PPP2R3B: variants seen among roughly 807,000 people sequenced by gnomAD.
PPP2R3B encodes the protein serine/threonine-protein phosphatase 2A regulatory subunit B'' subunit beta.
A neutral mutation model predicts 72.9 loss-of-function variants in PPP2R3B; 68 were observed. That is an observed-to-expected ratio of 0.93 (90% CI 0.77 to 1.14). The LOEUF (loss-of-function observed/expected upper bound fraction) is 1.14, where lower values mean the gene tolerates loss of function less well. Among genes scored for constraint, PPP2R3B ranks in the 50% most tolerant of loss-of-function variants. The pLI, the probability that PPP2R3B is intolerant of heterozygous loss-of-function variation, is 0.00. For synonymous variants in PPP2R3B, 466 were observed against 375.8 expected (o/e 1.24, Z -2.78); for missense variants, 1,018 against 842.0 (o/e 1.21, Z -2.59).
intron 1 of PPP2R3B, among the ~76,000 whole-genome samples, chrX:378,820 C>T (rs1365065666): frequency 2.0e-5 from 3 of 152,108 alleles, no homozygotes; most frequent in South Asian, 4.1e-4. Flanking sequence ...GTGAATAGGT[C>T]GTTGTTACGA....
chrX:371,673 A>C (rs1442019099), intron 1 of PPP2R3B, among the ~76,000 whole-genome samples: 1 of 151,980 alleles, frequency 6.6e-6, no homozygotes, highest in African/African-American at 2.4e-5. Context: ...GAGGTGCGGC[A>C]CCCCAACACG....
intron 2 of PPP2R3B, among the ~76,000 whole-genome samples, chrX:354,735 C>A (rs760370543): frequency 2.6e-5 from 4 of 152,110 alleles, no homozygotes; most frequent in Admixed American, 2.6e-4. Flanking sequence ...CCAGTAGTCA[C>A]GGCTACTCGG....
At chrX:346,356 T>C in intron 5 of PPP2R3B, 96 bp from the exon 6 acceptor site, 1 of 1,268,314 alleles carries the variant, frequency 7.9e-7, no homozygotes. Context: ...GCGCCCTTGG[T>C]CTCAGCCGCA....
At chrX:346,405 C>T in intron 5 of PPP2R3B, 145 bp from the exon 6 acceptor site, 1 of 799,046 alleles carries the variant, frequency 1.3e-6, no homozygotes, top group East Asian at 2.8e-5. Context: ...GAGGGAAGGG[C>T]CCTGCGGGAG....
At chrX:376,348 C>A (rs1405987807) in intron 1 of PPP2R3B, among the ~76,000 whole-genome samples, 1 of 152,194 alleles carries the variant, frequency 6.6e-6, no homozygotes, top group Non-Finnish European at 1.5e-5. Flanking sequence ...TGTCCCGATG[C>A]AGAACCCGCA....
At chrX:372,778 T>C (rs1345649037) in intron 1 of PPP2R3B, among the ~76,000 whole-genome samples, 1 of 152,058 alleles carries the variant, frequency 6.6e-6, no homozygotes, top group Non-Finnish European at 1.5e-5. Context: ...GCCAACATGG[T>C]GAAACCCCGT....
At chrX:373,404 C>T (rs2071910233) in intron 1 of PPP2R3B, 1 of 152,154 alleles carries the variant, frequency 6.6e-6, no homozygotes. Context: ...GTTTGGGCCC[C>T]GCCACGCAAC....
intron 1 of PPP2R3B, among the ~76,000 whole-genome samples, chrX:363,866 C>T (rs1377709191): frequency 1.3e-5 from 2 of 152,256 alleles, no homozygotes; most frequent in Non-Finnish European, 2.9e-5. Flanking sequence ...CTGCAGTGAG[C>T]TCTCGGGCTC....
intron 6 of PPP2R3B, among the ~76,000 whole-genome samples, chrX:345,947 C>T (rs1289786218): frequency 6.8e-6 from 1 of 146,786 alleles, no homozygotes; most frequent in Non-Finnish European, 1.5e-5. Flanking sequence ...CCCAGTACGG[C>T]CCCACCCGCC....
rs181372501 is a variant in PPP2R3B, at chrX:342,112, C to T, written c.1037-181G>A. The T allele has an allele frequency of 1.9e-5, 13 of 691,116 alleles. No individual in the cohort carries two copies. The Admixed American group carries it at 2.4e-4, about 13-fold the overall frequency. 42.8% of individuals were successfully genotyped at this position (691,116 alleles called of 1,614,324 possible). On this transcript the variant is annotated intron_variant, in intron 7 of 12. Transcript: ENST00000390665. ...ATCCTAGGGGCCCACCACGCTTTCC[C>T]GTCGAGCAGAGCCAAGTCCAGCATG... is the stretch of plus-strand genomic sequence containing the variant.
intron 1 of PPP2R3B, among the ~76,000 whole-genome samples, chrX:363,321 A>C: frequency 6.9e-6 from 1 of 145,144 alleles, no homozygotes; most frequent in East Asian, 2.3e-4. Context: ...CCACCATCCC[A>C]CAGTGCATCT....
intron 8 of PPP2R3B, 73 bp downstream of exon 8, chrX:341,810 G>A (rs2071084611): frequency 1.3e-6 from 2 of 1,531,074 alleles, no homozygotes; most frequent in Non-Finnish European, 1.8e-6. Flanking sequence ...GCTCACGTCA[G>A]GCAACGATGA....
chrX:346,654 A>C, intron 5 of PPP2R3B, 47 bp downstream of exon 5: 4 of 1,550,260 alleles, frequency 2.6e-6, no homozygotes, highest in Non-Finnish European at 3.5e-6. Context: ...CTGCAGAAAC[A>C]CCCGCGCCCC....
In PPP2R3B at chrX:386,410, C is replaced by A; in HGVS notation, c.282G>T (p.Ala94=). The change falls in exon 1 of 13, where the codon GCG becomes GCT. Residue 94 remains alanine (A), a synonymous_variant. Coordinates refer to ENST00000390665, the MANE Select transcript of PPP2R3B (RefSeq NM_013239.5). ...PLGAASSPRN[A]PHVRGTRRSA... ...ATCTACGGGTGCCTCGAACGTGGGGCGCGTTCCTGGGGCTGGAGGCGGCGC... is the reference window on the plus strand; with the variant it reads ...ATCTACGGGTGCCTCGAACGTGGGGAGCGTTCCTGGGGCTGGAGGCGGCGC... The A allele has an allele frequency of 1.5e-6, 2 of 1,319,888 alleles. No homozygotes were observed. The highest frequency in any genetic ancestry group is 2.3e-4 in the Middle Eastern group (1 of 4,294). 81.8% of individuals were successfully genotyped at this position (1,319,888 alleles called of 1,614,324 possible).
At chrX:339,212 G>A (rs1023815570) in intron 10 of PPP2R3B, among the ~76,000 whole-genome samples, 10 of 149,640 alleles carry the variant, frequency 6.7e-5, no homozygotes, top group South Asian at 4.3e-4. Context: ...GGAGCTCCCC[G>A]TGCAGGCAGA....
chrX:342,082 G>C (rs776129741), intron 7 of PPP2R3B, 151 bp from the exon 8 acceptor site: 2 of 847,088 alleles, frequency 2.4e-6, no homozygotes, highest in Non-Finnish European at 4.0e-6. Context: ...GCCCCTGCAC[G>C]GCCCATCCTA....
At chrX:334,564 C>T (rs1248164200) in intron 12 of PPP2R3B, 47 bp from the exon 13 acceptor site, 13 of 1,419,030 alleles carry the variant, frequency 9.2e-6, no homozygotes, top group African/African-American at 1.5e-5. Context: ...GCGGAGCAGG[C>T]CCTGGGCCGT....
intron 1 of PPP2R3B, among the ~76,000 whole-genome samples, chrX:363,488 G>GCATCTCCCCAAGCCCAC (rs2071597233): frequency 3.1e-4 from 3 of 9,722 alleles, no homozygotes; most frequent in Admixed American, 1.1e-3. Context: ...CCCGAGCCCA[G>GCATCTCCCCAAGCCCAC]CATCCCACAA....
intron 1 of PPP2R3B, among the ~76,000 whole-genome samples, chrX:382,054 CT>C (rs886711398): frequency 6.6e-6 from 1 of 152,158 alleles, no homozygotes; most frequent in African/African-American, 2.4e-5. Context: ...TTTGAAAATT[CT>C]TGCCATCTCC....
Sources: gnomAD v4.1 joint callset for allele counts (sites outside exome capture counted in the v4.1 genomes callset) on GRCh38, gnomAD v4.1.1 for gene constraint, MANE v1.5 for transcripts, NCBI Gene and HGNC (gene_info 2026-07-23, HGNC 2026-07-21) for gene names.